The following COL24A1 variants were observed in gnomAD, a reference collection of about 807,000 sequenced individuals.
COL24A1 encodes the protein collagen alpha-1(XXIV) chain.
A neutral mutation model predicts 253.9 loss-of-function variants in COL24A1; 224 were observed. The observed-to-expected ratio is 0.88, with a 90% confidence interval of 0.79 to 0.99. The LOEUF (loss-of-function observed/expected upper bound fraction) is 0.99. Among genes scored for constraint, COL24A1 ranks in the 50% least tolerant of loss-of-function variants. The pLI is 0.00. For missense variants in COL24A1, 2,131 were observed against 2,068.5 expected, an observed-to-expected ratio of 1.03 and a Z score of -0.59; for synonymous variants, 685 against 673.7, an observed-to-expected ratio of 1.02 and a Z score of -0.26.
rs967399863 is a variant in COL24A1 at position 85,924,949 on chromosome 1, A to C, written c.2563-13516T>G. Among the ~76,000 whole-genome samples, 3 of 152,226 alleles carry C rather than the reference A, an allele frequency of 2.0e-5. No homozygotes were observed. The East Asian group carries it at 5.8e-4, about 29-fold the overall frequency. On this transcript the variant is annotated intron_variant, in intron 24 of 59. Coordinates refer to ENST00000370571, the MANE Select transcript of COL24A1 (RefSeq NM_152890.7). ...CATCGTCTCAGCCCCAAATCTCCTTAAGCTGATAAGCAACTTCAGCAAAGT... is the reference window on the plus strand; with the variant it reads ...CATCGTCTCAGCCCCAAATCTCCTTCAGCTGATAAGCAACTTCAGCAAAGT...
At position 86,125,554 on chromosome 1, in the gene COL24A1, G is replaced by A. The variant is rs754600784; in HGVS notation, c.782C>T (p.Pro261Leu). ...ETSIPCTTLI[P>L]TKIPEHSPPP... ...GGGAGAGTGTTCCGGTATCTTTGTT[G>A]GTATGAGAGTTGTACAAGGAATGCT... Residue 261 changes from proline (P) to leucine (L), a missense_variant, in exon 3 of 60, where the codon CCA becomes CTA. Pro to Leu is a moderately conservative substitution (Grantham distance 98, BLOSUM62 -3). Coordinates refer to ENST00000370571, the MANE Select transcript of COL24A1 (RefSeq NM_152890.7). The A allele has an allele frequency of 8.7e-6, 14 of 1,613,404 alleles. No homozygotes were observed. The highest frequency in any genetic ancestry group is 1.0e-5 in the Non-Finnish European group (12 of 1,179,768).
chr1:86,086,784 A>C (rs1357263929), intron 7 of COL24A1, among the ~76,000 whole-genome samples: 1 of 152,192 alleles, frequency 6.6e-6, no homozygotes, highest in East Asian at 1.9e-4. Context: ...TACCATAAGG[A>C]GTATGACACA....
At chr1:86,156,308 A>AC in intron 1 of COL24A1, 33 bp downstream of exon 1, 4 of 1,602,674 alleles carry the variant, frequency 2.5e-6, no homozygotes, top group Non-Finnish European at 3.4e-6. Context: ...GGTTGGTCTA[A>AC]CCCCTACCCT....
intron 53 of COL24A1, among the ~76,000 whole-genome samples, chr1:85,767,457 C>T (rs138180613): frequency 1.7e-4 from 26 of 152,114 alleles, no homozygotes; most frequent in South Asian, 4.1e-4. Context: ...AAAGGTTTAA[C>T]GGCACATTTT....
intron 7 of COL24A1, among the ~76,000 whole-genome samples, chr1:86,081,640 A>G (rs971272461): frequency 1.3e-5 from 2 of 152,192 alleles, no homozygotes; most frequent in African/African-American, 4.8e-5. Flanking sequence ...AATCACCAAC[A>G]GACTGAATGA....
chr1:85,917,469 C>A (rs1467542377), intron 24 of COL24A1, among the ~76,000 whole-genome samples: 3 of 151,930 alleles, frequency 2.0e-5, no homozygotes, highest in African/African-American at 7.3e-5. Flanking sequence ...ATTAAGATTT[C>A]CTAAATTTTC....
intron 47 of COL24A1, among the ~76,000 whole-genome samples, chr1:85,813,653 C>T (rs1489742027): frequency 7.0e-6 from 1 of 143,564 alleles, no homozygotes; most frequent in Non-Finnish European, 1.5e-5. Flanking sequence ...CGGGTTCACG[C>T]CATTCTCCTG....
chr1:85,922,244 T>G (rs757681713), intron 24 of COL24A1, among the ~76,000 whole-genome samples: 1 of 152,166 alleles, frequency 6.6e-6, no homozygotes, highest in Non-Finnish European at 1.5e-5. Context: ...AAAACACTCT[T>G]CAGGGTATTA....
chr1:86,099,290 G>A (rs1704247774), intron 5 of COL24A1, among the ~76,000 whole-genome samples: 1 of 152,054 alleles, frequency 6.6e-6, no homozygotes, highest in Non-Finnish European at 1.5e-5. Context: ...AATATTAGAA[G>A]AGAAGAAAGG....
chr1:85,834,133 A>G (rs1675715011), intron 43 of COL24A1, among the ~76,000 whole-genome samples: 1 of 152,094 alleles, frequency 6.6e-6, no homozygotes, highest in Non-Finnish European at 1.5e-5. Flanking sequence ...AAAATTTAAA[A>G]AAAAAGTAAA....
At chr1:86,006,849 T>C (rs1416842658) in intron 19 of COL24A1, among the ~76,000 whole-genome samples, 1 of 152,014 alleles carries the variant, frequency 6.6e-6, no homozygotes, top group Non-Finnish European at 1.5e-5. Context: ...CCAAGGAAGA[T>C]ATACAGATGG....
At chr1:85,795,897 T>C (rs181841592) in intron 47 of COL24A1, among the ~76,000 whole-genome samples, 6 of 152,250 alleles carry the variant, frequency 3.9e-5, no homozygotes, top group Admixed American at 3.9e-4. Context: ...TCTGTTTAAG[T>C]AGGAATTTCT....
Position 85,889,591 on chromosome 1 carries a change from C to T in COL24A1, c.2945G>A (p.Ser982Asn), listed in dbSNP as rs1377392058. 1 of 1,613,216 alleles carries T rather than the reference C, an allele frequency of 6.2e-7. No individual in the cohort carries two copies. Among genetic ancestry groups the T allele is most frequent in the Non-Finnish European group, 8.5e-7 (1 of 1,179,428 alleles). ...TCCTGGAAGTCCTCTGTCACCTGTA[C>T]TTCCAGGCAATCCCTGTAAACCCTG... Reference protein sequence around the residue: ...GKPGLQGLPGSTGDRGLPGEP... With the variant: ...GKPGLQGLPGNTGDRGLPGEP... Residue 982 changes from serine (S) to asparagine (N), a missense_variant, in exon 32 of 60, where the codon AGT (serine) becomes AAT (asparagine). Transcript: ENST00000370571.
At chr1:86,130,499 G>C (rs957410146) in intron 2 of COL24A1, among the ~76,000 whole-genome samples, 3 of 151,664 alleles carry the variant, frequency 2.0e-5, no homozygotes, top group African/African-American at 7.3e-5. Context: ...TATTCTAAGG[G>C]TTTCCTTTAA....
rs1326791288 is a variant in COL24A1 at position 86,057,530 on chromosome 1, G to A, written c.1851+401C>T. On this transcript the variant is annotated intron_variant, in intron 10 of 59. Transcript: ENST00000370571. Reference sequence around the variant, plus strand: ...ATACAATAAGGTTATTTCTTTCTTTGTAGATATTTCTTTACTCCTGACAGT... The same window carrying A: ...ATACAATAAGGTTATTTCTTTCTTTATAGATATTTCTTTACTCCTGACAGT... Among the ~76,000 whole-genome samples, 7 of 152,196 alleles carry A rather than the reference G, an allele frequency of 4.6e-5. No individual in the cohort carries two copies. The East Asian group carries it at 1.4e-3, about 29-fold the overall frequency.
intron 14 of COL24A1, among the ~76,000 whole-genome samples, chr1:86,027,394 C>A (rs561439033): frequency 4.6e-5 from 7 of 152,260 alleles, no homozygotes; most frequent in Non-Finnish European, 7.3e-5. Flanking sequence ...GGTTTTTGGG[C>A]TGGGCCTAGA....
At chr1:85,915,847 T>C (rs1685846257) in intron 24 of COL24A1, among the ~76,000 whole-genome samples, 1 of 152,068 alleles carries the variant, frequency 6.6e-6, no homozygotes, top group South Asian at 2.1e-4. Context: ...AGAGATGGGG[T>C]TTCACCATGT....
chr1:86,020,570 A>G (rs748423058), intron 18 of COL24A1, among the ~76,000 whole-genome samples: 1 of 152,188 alleles, frequency 6.6e-6, no homozygotes, highest in Non-Finnish European at 1.5e-5. Context: ...TTGTGTAAGC[A>G]CGATACTTGA....
Position 85,755,116 on chromosome 1 carries a change from C to T in COL24A1, c.4437+6280G>A, listed in dbSNP as rs1034304408. ...TTAACAGCTAATTTCCCATAAAAAA[C>T]CATAAAGGTGAGCAGGCAGTAGGAT... On this transcript the variant is annotated intron_variant, in intron 55 of 59. Coordinates refer to ENST00000370571, the MANE Select transcript of COL24A1 (RefSeq NM_152890.7). 3.9e-5 allele frequency among the ~76,000 whole-genome samples: 6 copies of T among 152,222 alleles called. No homozygotes were observed. In the East Asian group the frequency reaches 9.6e-4, roughly 24 times the overall value.
Sources: gnomAD v4.1 joint callset for allele counts (sites outside exome capture counted in the v4.1 genomes callset) on GRCh38, gnomAD v4.1.1 for gene constraint, MANE v1.5 for transcripts, NCBI Gene and HGNC (gene_info 2026-07-23, HGNC 2026-07-21) for gene names.